Variants in DDX10 observed in about 807,000 individuals in gnomAD.
The protein encoded by DDX10 is probable ATP-dependent RNA helicase DDX10.
DDX10 carries 74 observed loss-of-function variants against 104.3 expected under a neutral mutation model. The ratio of observed to expected loss-of-function variants is 0.71; its 90% CI spans 0.59 to 0.86. The LOEUF (loss-of-function observed/expected upper bound fraction) is 0.86. Among genes scored for constraint, DDX10 ranks in the 40% least tolerant of loss-of-function variants. The pLI is 0.00. For synonymous variants in DDX10, 351 were observed against 353.4 expected (o/e 0.99, Z 0.08); for missense variants, 952 against 1,040.0 (o/e 0.92, Z 1.16).
intron 13 of DDX10, among the ~76,000 whole-genome samples, chr11:108,807,984 G>A (rs932024114): frequency 6.6e-6 from 1 of 152,192 alleles, no homozygotes; most frequent in African/African-American, 2.4e-5. Context: ...GGCACAGTGC[G>A]AAGCTGTAGA....
At chr11:108,848,990 T>A (rs569528829) in intron 15 of DDX10, among the ~76,000 whole-genome samples, 1 of 152,322 alleles carries the variant, frequency 6.6e-6, no homozygotes, top group South Asian at 2.1e-4. Flanking sequence ...CCACATCAAT[T>A]TGTTTTTCTC....
At chr11:108,825,687 G>A (rs1862386429) in intron 13 of DDX10, among the ~76,000 whole-genome samples, 1 of 152,150 alleles carries the variant, frequency 6.6e-6, no homozygotes, top group African/African-American at 2.4e-5. Flanking sequence ...AGTTGTCATT[G>A]TTGCTCAATA....
chr11:108,833,789 G>A lies in DDX10; in HGVS notation c.1966-4657G>A, dbSNP rs536319477. Among the ~76,000 whole-genome samples, 11 of 151,968 alleles carry A rather than the reference G, an allele frequency of 7.2e-5. No individual in the cohort carries two copies. In the South Asian group the frequency reaches 2.3e-3, roughly 32 times the overall value. The stretch of plus-strand genomic sequence containing the variant: ...GACCTTTATTCCACTGACAATTTTT[G>A]GTTTCATTTTTCTGATTTTTCCCCC... On this transcript the variant is annotated intron_variant, in intron 13 of 17. Transcript: ENST00000322536.
At chr11:108,791,683 C>G (rs1591819296) in intron 13 of DDX10, among the ~76,000 whole-genome samples, 1 of 152,124 alleles carries the variant, frequency 6.6e-6, no homozygotes, top group Non-Finnish European at 1.5e-5. Context: ...AATAGTTTTG[C>G]CTTTTCCAGA....
intron 13 of DDX10, among the ~76,000 whole-genome samples, chr11:108,823,265 A>C (rs938835425): frequency 6.6e-6 from 1 of 152,122 alleles, no homozygotes; most frequent in African/African-American, 2.4e-5. Context: ...TTGACTTTTC[A>C]TTTGGTACTT....
intron 16 of DDX10, among the ~76,000 whole-genome samples, chr11:108,893,653 G>A (rs928620981): frequency 1.3e-5 from 2 of 150,848 alleles, no homozygotes; most frequent in Admixed American, 6.6e-5. Flanking sequence ...ATATGTCATC[G>A]CCAGAGATTG....
chr11:108,846,188 C>T (rs896909103), intron 15 of DDX10, among the ~76,000 whole-genome samples: 4 of 152,148 alleles, frequency 2.6e-5, no homozygotes, highest in African/African-American at 9.7e-5. Context: ...TATGTCATTA[C>T]ATGTATATGT....
chr11:108,698,682 T>G (rs1009107515), intron 9 of DDX10, among the ~76,000 whole-genome samples: 3 of 152,148 alleles, frequency 2.0e-5, no homozygotes, highest in Admixed American at 6.5e-5. Context: ...TCCTGTCTAG[T>G]CAATACAGCA....
At chr11:108,755,830 A>C (rs959092625) in intron 13 of DDX10, among the ~76,000 whole-genome samples, 3 of 152,030 alleles carry the variant, frequency 2.0e-5, no homozygotes, top group African/African-American at 7.2e-5. Context: ...AATAAGACTA[A>C]TAATAGTACT....
chr11:108,876,848 T>C (rs955039560), intron 16 of DDX10, among the ~76,000 whole-genome samples: 1 of 152,186 alleles, frequency 6.6e-6, no homozygotes. Flanking sequence ...GGTGTTAAAA[T>C]GTGGTAGCTT....
At chr11:108,931,082 G>C (rs1239798117) in intron 17 of DDX10, among the ~76,000 whole-genome samples, 1 of 152,116 alleles carries the variant, frequency 6.6e-6, no homozygotes, top group African/African-American at 2.4e-5. Flanking sequence ...CTCCCCAGGA[G>C]TTCTCTCATG....
At chr11:108,857,771 G>A (rs900629106) in intron 16 of DDX10, among the ~76,000 whole-genome samples, 3 of 152,218 alleles carry the variant, frequency 2.0e-5, no homozygotes, top group Admixed American at 6.5e-5. Flanking sequence ...ACGCTGAAGC[G>A]TTGACTCTTA....
intron 3 of DDX10, among the ~76,000 whole-genome samples, chr11:108,676,208 A>G (rs999433835): frequency 6.6e-6 from 1 of 152,194 alleles, no homozygotes; most frequent in South Asian, 2.1e-4. Context: ...TATGGCAGCA[A>G]AACAGTAGAG....
chr11:108,672,027 C>T (rs931000677), intron 1 of DDX10, among the ~76,000 whole-genome samples: 5 of 136,962 alleles, frequency 3.7e-5, no homozygotes, highest in Non-Finnish European at 7.6e-5. Flanking sequence ...CGCCACTGCA[C>T]TCCAGCCTGG....
intron 13 of DDX10, among the ~76,000 whole-genome samples, chr11:108,811,705 G>T (rs1226561593): frequency 1.3e-5 from 2 of 152,050 alleles, no homozygotes; most frequent in African/African-American, 4.8e-5. Flanking sequence ...GAGTAGGAAA[G>T]AATCTTCCAA....
chr11:108,811,673 C>G (rs1252711386), intron 13 of DDX10, among the ~76,000 whole-genome samples: 1 of 152,052 alleles, frequency 6.6e-6, no homozygotes, highest in South Asian at 2.1e-4. Flanking sequence ...AAGTGGTCAT[C>G]CAACATGCTT....
At chr11:108,939,521 C>T (rs1864078452) in intron 17 of DDX10, among the ~76,000 whole-genome samples, 3 of 152,110 alleles carry the variant, frequency 2.0e-5, no homozygotes. Flanking sequence ...ATCATATATC[C>T]AATAATTGGG....
intron 13 of DDX10, chr11:108,822,643 A>G (rs1434364995): frequency 1.2e-5 from 2 of 160,886 alleles, no homozygotes; most frequent in Non-Finnish European, 2.7e-5. Flanking sequence ...TTTCTCAGCA[A>G]CACCCATATT....
At chr11:108,689,189 T>C (rs2094248702) in intron 7 of DDX10, 127 bp downstream of exon 7, 1 of 953,296 alleles carries the variant, frequency 1.0e-6, no homozygotes, top group African/African-American at 1.6e-5. Flanking sequence ...ATCTTTCGTG[T>C]CCTTGTTGCA....
Sources: allele counts gnomAD v4.1 joint callset (sites outside exome capture counted in the v4.1 genomes callset), GRCh38; gene constraint gnomAD v4.1.1; transcripts MANE v1.5; gene names NCBI Gene and HGNC (gene_info 2026-07-23, HGNC 2026-07-21).